Variants in ZC3H18 observed in about 807,000 individuals in gnomAD.
ZC3H18 encodes the protein zinc finger CCCH domain-containing protein 18.
A neutral mutation model predicts 106.1 loss-of-function variants in ZC3H18; 8 were observed. The ratio of observed to expected loss-of-function variants is 0.08; its 90% confidence interval spans 0.04 to 0.14. The LOEUF is 0.14. Ranked by LOEUF, ZC3H18 falls within the 10% of genes least tolerant of loss-of-function variation. The pLI, the probability that ZC3H18 is intolerant of heterozygous loss-of-function variation, is 1.00. For synonymous variants in ZC3H18, 635 were observed against 522.1 expected (o/e 1.22, Z -2.95); for missense variants, 1,318 against 1,278.4 (o/e 1.03, Z -0.47).
intron 8 of ZC3H18, 128 bp from the exon 9 acceptor site, chr16:88,622,069 C>G (rs1905999059): frequency 8.6e-7 from 1 of 1,167,578 alleles, no homozygotes; most frequent in Non-Finnish European, 1.2e-6. Flanking sequence ...CCTTAGGACC[C>G]TTTGTTTCTC....
At chr16:88,622,050 C>A in intron 8 of ZC3H18, 147 bp from the exon 9 acceptor site, 2 of 975,260 alleles carry the variant, frequency 2.1e-6, no homozygotes, top group South Asian at 2.1e-5. Context: ...TGTGAGTGGC[C>A]TTTTTTCCCC....
intron 1 of ZC3H18, among the ~76,000 whole-genome samples, chr16:88,573,312 C>T (rs760165692): frequency 7.9e-5 from 12 of 151,968 alleles, no homozygotes; most frequent in Non-Finnish European, 1.3e-4. Context: ...AAAAAGTGTA[C>T]GAAGATAGTA....
Position 88,577,308 on chromosome 16 carries a change from A to C in ZC3H18, c.185A>C (p.Glu62Ala). 1.2e-6 allele frequency: 2 copies of C among 1,612,330 alleles called. No homozygotes were observed. Among genetic ancestry groups the C allele is most frequent in the Non-Finnish European group, 1.7e-6 (2 of 1,179,124 alleles). ...GCAGCCAGGGGGCCGAGCCAGGAGG[A>C]GGAAGATAATCACTCCGACGAGGAG... ...ESAARGPSQE[E>A]EDNHSDEEDR... The change falls in exon 2 of 18, where the codon GAG becomes GCG. Residue 62 changes from glutamate (E) to alanine (A), a missense_variant. This residue lies in a region of ZC3H18 where 346 missense variants were observed against 269.0 expected (regional missense o/e 1.29). Coordinates refer to ENST00000301011, the MANE Select transcript of ZC3H18 (RefSeq NM_144604.4).
chr16:88,595,805 CA>C (rs11302562), intron 3 of ZC3H18, among the ~76,000 whole-genome samples: 127,996 of 143,600 alleles, frequency 0.89, 57,004 homozygotes, highest in East Asian at 0.94. Context: ...GACTCCATCT[CA>C]AAAAAAAAAA....
At chr16:88,616,755 A>C (rs1020429773) in intron 8 of ZC3H18, among the ~76,000 whole-genome samples, 2 of 152,100 alleles carry the variant, frequency 1.3e-5, no homozygotes, top group African/African-American at 4.8e-5. Context: ...AGAAAATGAC[A>C]CAGTTTTACC....
chr16:88,600,567 C>G (rs1456702058), intron 6 of ZC3H18, among the ~76,000 whole-genome samples: 2 of 152,176 alleles, frequency 1.3e-5, no homozygotes, highest in Non-Finnish European at 2.9e-5. Context: ...GTGTCTGCTA[C>G]CACACCCAAC....
intron 8 of ZC3H18, among the ~76,000 whole-genome samples, chr16:88,611,753 C>T (rs1042419412): frequency 1.3e-5 from 2 of 152,236 alleles, no homozygotes; most frequent in Non-Finnish European, 2.9e-5. Context: ...CTGCCCTGAG[C>T]TCCTGGGAGG....
rs1915366116 is a variant in ZC3H18, at chr16:88,585,209, A to C, written c.604-1391A>C. On this transcript the variant is annotated intron_variant, in intron 2 of 17. Transcript: ENST00000301011. ...GTGATTCTGCTGGATTACTTAAGGG[A>C]TATAACTCTCAGGAATCTGTTCTTT... Among the ~76,000 whole-genome samples the C allele has an allele frequency of 2.0e-5, 3 of 152,222 alleles. No homozygotes were observed. In the South Asian group the frequency reaches 6.2e-4, roughly 31 times the overall value.
intron 2 of ZC3H18, among the ~76,000 whole-genome samples, chr16:88,584,282 C>T (rs991840364): frequency 8.6e-5 from 13 of 151,936 alleles, no homozygotes; most frequent in Admixed American, 3.3e-4. Flanking sequence ...ATTAGCCAGG[C>T]GTGATGTCGG....
At chr16:88,572,065 C>G (rs1914441478) in intron 1 of ZC3H18, among the ~76,000 whole-genome samples, 1 of 152,250 alleles carries the variant, frequency 6.6e-6, no homozygotes, top group African/African-American at 2.4e-5. Context: ...CAAAAGTTTA[C>G]TTACGTGGTT....
chr16:88,621,193 C>T (rs923196076), intron 8 of ZC3H18, among the ~76,000 whole-genome samples: 24 of 151,032 alleles, frequency 1.6e-4, no homozygotes, highest in Admixed American at 2.6e-4. Flanking sequence ...TACAGGCGCC[C>T]GCCACCACAT....
chr16:88,626,436 A>G (rs1423448788), intron 13 of ZC3H18: 5 of 152,262 alleles, frequency 3.3e-5, no homozygotes, highest in Admixed American at 3.3e-4. Flanking sequence ...GTATTAAATC[A>G]GTCCTTAGAT....
At chr16:88,617,569 C>T (rs1163868428) in intron 8 of ZC3H18, among the ~76,000 whole-genome samples, 1 of 152,234 alleles carries the variant, frequency 6.6e-6, no homozygotes, top group Non-Finnish European at 1.5e-5. Context: ...TGGGGACCTT[C>T]CCGCAGGAGC....
intron 8 of ZC3H18, among the ~76,000 whole-genome samples, chr16:88,617,526 C>G (rs960065100): frequency 6.6e-6 from 1 of 152,248 alleles, no homozygotes; most frequent in Admixed American, 6.5e-5. Context: ...TGCTCTTTGG[C>G]TAGTCATTGT....
chr16:88,598,818 G>C lies in ZC3H18; in HGVS notation c.930+106G>C, dbSNP rs1904591771. 15 of 968,170 alleles carry C rather than the reference G, an allele frequency of 1.5e-5. No individual in the cohort carries two copies. In the East Asian group the frequency reaches 4.1e-4, roughly 26 times the overall value. 60.0% of individuals were successfully genotyped at this position (968,170 alleles called of 1,614,324 possible). A position where few individuals can be genotyped will look rare whatever the true frequency, so the allele number is the denominator to read the frequency against. ...TCCAGAGAGAGCCCCAGAAATCTCTGAAGTTAGGCGTCTGTTTCTGTGGTG... is the reference window on the plus strand; with the variant it reads ...TCCAGAGAGAGCCCCAGAAATCTCTCAAGTTAGGCGTCTGTTTCTGTGGTG... On this transcript the variant is annotated intron_variant, in intron 5 of 17. Transcript: ENST00000301011.
intron 13 of ZC3H18, 102 bp downstream of exon 13, chr16:88,625,369 G>A: frequency 6.9e-7 from 1 of 1,449,416 alleles, no homozygotes; most frequent in South Asian, 1.2e-5. Flanking sequence ...CAGGTGGGCT[G>A]GGGCCCTTCT....
chr16:88,597,736 A>T (rs1597336577), intron 3 of ZC3H18, among the ~76,000 whole-genome samples: 1 of 152,242 alleles, frequency 6.6e-6, no homozygotes, highest in East Asian at 1.9e-4. Context: ...GGGGACCCTG[A>T]GCACACCTGC....
Position 88,623,764 on chromosome 16 carries a change from C to T in ZC3H18, c.1794-194C>T, listed in dbSNP as rs1417553812. On this transcript the variant is annotated intron_variant, in intron 10 of 17. Coordinates refer to ENST00000301011, the MANE Select transcript of ZC3H18 (RefSeq NM_144604.4). ...AGGACCCGCCAGTGGATGCTGACAC[C>T]TTCCACGCTCTCTGGTCTACTCTGG... 4 of 1,079,020 alleles carry T rather than the reference C, an allele frequency of 3.7e-6. No homozygotes were observed. In the East Asian group the frequency reaches 1.1e-4, roughly 30 times the overall value. 66.8% of individuals were successfully genotyped at this position (1,079,020 alleles called of 1,614,324 possible).
chr16:88,577,246 G>A lies in ZC3H18; in HGVS notation c.123G>A (p.Ala41=), dbSNP rs764580180. Residue 41 remains alanine (A), a synonymous_variant, in exon 2 of 18, where the codon GCG becomes GCA. Transcript: ENST00000301011. ...GGTCCGATCAGGATTTGGACGGGGCGGGGGTGAGGGCTTCTGATCTGGAGG... is the reference window on the plus strand; with the variant it reads ...GGTCCGATCAGGATTTGGACGGGGCAGGGGTGAGGGCTTCTGATCTGGAGG... The part of the protein sequence containing the change: ...DSGSDQDLDG[A]GVRASDLEDE... The A allele has an allele frequency of 1.8e-5, 29 of 1,613,426 alleles. No homozygotes were observed. The East Asian group carries it at 2.0e-4, about 11-fold the overall frequency.
Sources: allele counts gnomAD v4.1 joint callset (sites outside exome capture counted in the v4.1 genomes callset), GRCh38; gene constraint gnomAD v4.1.1; regional missense constraint gnomAD v4.1.1; transcripts MANE v1.5; gene names NCBI Gene and HGNC (gene_info 2026-07-23, HGNC 2026-07-21).